The following DST variants were observed in gnomAD, a reference collection of about 807,000 sequenced individuals.
DST encodes the protein dystonin.
A neutral mutation model predicts 875.2 loss-of-function variants in DST; 253 were observed. The observed-to-expected ratio is 0.29, with a 90% CI of 0.26 to 0.32. DST has a LOEUF of 0.32. DST is among the 10% of genes least tolerant of loss of function. DST has a pLI of 1.00. For missense variants in DST, 8,287 were observed against 9,111.6 expected (o/e 0.91, Z 3.68); for synonymous variants, 3,124 against 3,197.1 (o/e 0.98, Z 0.77).
At chr6:56,735,556 TCAC>T (rs138864657) in intron 4 of DST, among the ~76,000 whole-genome samples, 2 of 151,286 alleles carry the variant, frequency 1.3e-5, no homozygotes, top group South Asian at 2.1e-4. Flanking sequence ...TAACCCCTCA[TCAC>T]CACCACCACC....
intron 4 of DST, among the ~76,000 whole-genome samples, chr6:56,738,497 T>C (rs547951568): frequency 6.6e-6 from 1 of 152,262 alleles, no homozygotes; most frequent in Non-Finnish European, 1.5e-5. Flanking sequence ...ATTTTTTGTA[T>C]TTTTAGTACA....
Position 56,555,582 on chromosome 6 carries a change from C to T in DST, c.14899G>A (p.Asp4967Asn), listed in dbSNP as rs750220119. ...RSLSDKLSDLDNKLSSSLAVS... is the reference protein window; with the variant it reads ...RSLSDKLSDLNNKLSSSLAVS... The stretch of plus-strand genomic sequence containing the variant: ...GCCAGACTGCTGCTGAGTTTATTAT[C>T]CAAGTCACTCAGTTTATCAGAAAGG... The change falls in exon 60 of 104, where the codon GAT becomes AAT. Residue 4967 changes from aspartate (D) to asparagine (N), a missense_variant. This residue lies in a region of DST where 1,513 missense variants were observed against 1,677.8 expected (regional missense o/e 0.90). Transcript: ENST00000680361. 3 of 1,614,026 alleles carry T rather than the reference C, an allele frequency of 1.9e-6. No homozygotes were observed. In the Admixed American group the frequency reaches 5.0e-5, roughly 27 times the overall value.
At chr6:56,645,790 A>C in intron 15 of DST, 76 bp downstream of exon 15, 1 of 1,541,298 alleles carries the variant, frequency 6.5e-7, no homozygotes, top group South Asian at 1.2e-5. Flanking sequence ...ACAGAGGTTT[A>C]ACTTAAGTTC....
chr6:56,945,412 T>C (rs1818909639), intron 2 of DST, among the ~76,000 whole-genome samples: 1 of 152,148 alleles, frequency 6.6e-6, no homozygotes, highest in South Asian at 2.1e-4. Flanking sequence ...TATTCCTAGT[T>C]TGAAAAACTG....
intron 84 of DST, among the ~76,000 whole-genome samples, chr6:56,492,638 G>C (rs996512902): frequency 6.6e-6 from 1 of 152,162 alleles, no homozygotes; most frequent in South Asian, 2.1e-4. Flanking sequence ...TGGAGGCTGA[G>C]GTGGGTGGAT....
intron 5 of DST, among the ~76,000 whole-genome samples, chr6:56,713,904 C>T (rs1425817539): frequency 6.6e-6 from 1 of 152,152 alleles, no homozygotes; most frequent in Non-Finnish European, 1.5e-5. Flanking sequence ...AGCTCATTTC[C>T]TTGGGTCCTT....
intron 90 of DST, among the ~76,000 whole-genome samples, chr6:56,480,306 T>C (rs532887908): frequency 2.0e-5 from 3 of 152,128 alleles, no homozygotes; most frequent in East Asian, 3.9e-4. Context: ...GAGAAAAAAA[T>C]AGGTTAATCT....
At chr6:56,902,945 C>T (rs1421063998) in intron 2 of DST, among the ~76,000 whole-genome samples, 2 of 142,292 alleles carry the variant, frequency 1.4e-5, no homozygotes, top group Admixed American at 7.0e-5. Context: ...CATTCATTCT[C>T]TCTCTCTCTC....
At chr6:56,619,563 T>G (rs994885971) in intron 36 of DST, 2 of 1,614,006 alleles carry the variant, frequency 1.2e-6, no homozygotes, top group East Asian at 2.2e-5. Context: ...TGTGCCCTTG[T>G]GATTCTGTCT....
At chr6:56,692,207 C>CAG (rs1188817096) in intron 9 of DST, among the ~76,000 whole-genome samples, 19 of 152,274 alleles carry the variant, frequency 1.2e-4, no homozygotes, top group African/African-American at 4.6e-4. Context: ...AGAATGTGCA[C>CAG]AGCACAAAAA....
chr6:56,642,643 C>G, intron 15 of DST, 140 bp from the exon 16 acceptor site: 1 of 1,614,164 alleles, frequency 6.2e-7, no homozygotes, highest in Non-Finnish European at 8.5e-7. Flanking sequence ...AAAGGATTCA[C>G]TGCCGAAGCT....
At chr6:56,729,345 G>A (rs1309861415) in intron 5 of DST, among the ~76,000 whole-genome samples, 1 of 152,136 alleles carries the variant, frequency 6.6e-6, no homozygotes, top group Non-Finnish European at 1.5e-5. Flanking sequence ...AATCCCAGCA[G>A]TTTGGGAGGC....
At chr6:56,655,020 G>A (rs2098998790) in intron 10 of DST, among the ~76,000 whole-genome samples, 1 of 151,976 alleles carries the variant, frequency 6.6e-6, no homozygotes, top group Non-Finnish European at 1.5e-5. Flanking sequence ...ACTTAGCCAG[G>A]CATGGTGTCG....
At chr6:56,807,995 C>G (rs977779195) in intron 4 of DST, among the ~76,000 whole-genome samples, 7 of 152,158 alleles carry the variant, frequency 4.6e-5, no homozygotes, top group African/African-American at 1.7e-4. Flanking sequence ...ATGTACTAGT[C>G]TTCTATCCAA....
Position 56,607,232 on chromosome 6 carries a change from C to T in DST, c.7396G>A (p.Ala2466Thr), listed in dbSNP as rs1211829568. 2 of 1,613,310 alleles carry T rather than the reference C, an allele frequency of 1.2e-6. No homozygotes were observed. Among genetic ancestry groups the T allele is most frequent in the Non-Finnish European group, 8.5e-7 (1 of 1,179,608 alleles). Residue 2466 changes from alanine (A) to threonine (T), a missense_variant, in exon 40 of 104, where the codon GCC (alanine) becomes ACC (threonine). Physicochemically the swap from Ala to Thr is moderately conservative, Grantham distance 58. Coordinates refer to ENST00000680361, the MANE Select transcript of DST (RefSeq NM_001374736.1). ...TPESNGNKCE[A>T]PALSFSDKTM... ...TTGTCACTGAATGATAAGGCTGGGGCTTCACACTTATTTCCATTGCTCTCT... is the reference window on the plus strand; with the variant it reads ...TTGTCACTGAATGATAAGGCTGGGGTTTCACACTTATTTCCATTGCTCTCT...
intron 71 of DST, among the ~76,000 whole-genome samples, chr6:56,516,175 A>AAGAAAGAGAAAGAGAAAG (rs71707887): frequency 2.6e-5 from 3 of 114,352 alleles, no homozygotes; most frequent in Admixed American, 1.2e-4. Flanking sequence ...GAGAAAGAGA[A>AAGAAAGAGAAAGAGAAAG]AGAAAGAGAA....
intron 13 of DST, 90 bp from the exon 14 acceptor site, chr6:56,646,272 T>C: frequency 1.5e-6 from 1 of 657,288 alleles, no homozygotes; most frequent in Non-Finnish European, 2.5e-6. Context: ...TGTTATGTAC[T>C]GTATCATATG....
intron 52 of DST, 65 bp from the exon 53 acceptor site, chr6:56,572,331 A>C: frequency 8.3e-7 from 1 of 1,197,950 alleles, no homozygotes; most frequent in Non-Finnish European, 1.1e-6. Flanking sequence ...CATTCCATCC[A>C]GAGGTCTGTG....
At chr6:56,822,817 A>T (rs1296568013) in intron 4 of DST, among the ~76,000 whole-genome samples, 3 of 151,150 alleles carry the variant, frequency 2.0e-5, no homozygotes, top group Non-Finnish European at 4.4e-5. Context: ...ATTTATTTTT[A>T]TTTTATTTTA....
Sources: gnomAD v4.1 joint callset for allele counts (sites outside exome capture counted in the v4.1 genomes callset) on GRCh38, gnomAD v4.1.1 for gene constraint, gnomAD v4.1.1 regional missense constraint, MANE v1.5 for transcripts, NCBI Gene and HGNC (gene_info 2026-07-23, HGNC 2026-07-21) for gene names.